Variants in ASRGL1 observed in about 807,000 individuals in gnomAD.
ASRGL1 encodes the protein isoaspartyl peptidase/L-asparaginase.
Under a neutral mutation model 22.4 loss-of-function variants are expected in ASRGL1, and 16 were observed. The ratio of observed to expected loss-of-function variants is 0.71; its 90% CI spans 0.48 to 1.08. ASRGL1 has a LOEUF of 1.08. Among genes scored for constraint, ASRGL1 ranks in the 50% least tolerant of loss-of-function variants. ASRGL1 has a pLI of 0.00. For synonymous variants in ASRGL1, 165 were observed against 159.3 expected (o/e 1.04, Z -0.27); for missense variants, 412 against 410.1 (o/e 1.00, Z -0.04).
intron 4 of ASRGL1, among the ~76,000 whole-genome samples, chr11:62,374,023 A>C (rs1357291634): frequency 1.3e-5 from 2 of 152,170 alleles, no homozygotes; most frequent in Non-Finnish European, 2.9e-5. Context: ...AGTCAAATGC[A>C]TTCTCCAGTC....
chr11:62,356,518 G>A, intron 3 of ASRGL1, 51 bp downstream of exon 3: 1 of 1,580,644 alleles, frequency 6.3e-7, no homozygotes. Flanking sequence ...TTGTTATACT[G>A]CAGTGATAAG....
chr11:62,382,217 G>A (rs117897499), intron 4 of ASRGL1: 2,708 of 152,024 alleles, frequency 0.018, 34 homozygotes, highest in South Asian at 0.027. Flanking sequence ...ACAACGTATA[G>A]AGAAAAAAAA....
intron 4 of ASRGL1, among the ~76,000 whole-genome samples, chr11:62,376,407 G>A (rs1321137392): frequency 1.3e-5 from 2 of 151,888 alleles, no homozygotes; most frequent in African/African-American, 4.8e-5. Context: ...TATCCAAACA[G>A]GAAGCTGATT....
intron 6 of ASRGL1, 60 bp downstream of exon 6, chr11:62,391,692 G>T: frequency 6.6e-7 from 1 of 1,519,618 alleles, no homozygotes; most frequent in Non-Finnish European, 8.9e-7. Flanking sequence ...GAAGGTATTT[G>T]ATAAGTAAGC....
chr11:62,372,373 C>T, intron 4 of ASRGL1: 1 of 1,564,062 alleles, frequency 6.4e-7, no homozygotes, highest in East Asian at 2.2e-5. Context: ...AACAGCCTGC[C>T]AATTACCAAA....
intron 4 of ASRGL1, chr11:62,382,251 A>C (rs930952125): frequency 6.6e-6 from 1 of 152,010 alleles, no homozygotes; most frequent in South Asian, 2.1e-4. Context: ...ACCGGTGCTC[A>C]GCATACGGAG....
At position 62,356,887 on chromosome 11, in the gene ASRGL1, TGCACCCAGAGAGAA is replaced by T; in HGVS notation, c.334-98_334-85del. On this transcript the variant is annotated intron_variant, in intron 3 of 6. Coordinates refer to ENST00000415229, the MANE Select transcript of ASRGL1 (RefSeq NM_001083926.2). ...ACTGGAATTTGTATTTTTGATCCTTTGCACCCAGAGAGAAGTAATTATTTCAACACAGTTGGAAC... is the reference window on the plus strand; with the variant it reads ...ACTGGAATTTGTATTTTTGATCCTTTGTAATTATTTCAACACAGTTGGAAC... The T allele has an allele frequency of 2.9e-6, 4 of 1,360,878 alleles. No homozygotes were observed. In the East Asian group the frequency reaches 7.3e-5, roughly 25 times the overall value. The allele number at this position is 1,360,878 out of a possible 1,614,324, so 84.3% of individuals were successfully genotyped here.
At chr11:62,399,100 C>T in the ASRGL1 span, among the ~76,000 whole-genome samples, 2 of 152,164 alleles carry the variant, frequency 1.3e-5, no homozygotes, top group Non-Finnish European at 2.9e-5. Flanking sequence ...CCTGTAGTCC[C>T]AGCTACTCAG....
downstream of ASRGL1, among the ~76,000 whole-genome samples, chr11:62,394,121 A>G (rs1022812008): frequency 7.3e-6 from 1 of 137,674 alleles, no homozygotes; most frequent in African/African-American, 2.6e-5. Flanking sequence ...ATTTACATAT[A>G]TATTATATAT....
chr11:62,372,342 A>G (rs563406128), intron 4 of ASRGL1: 8 of 1,581,068 alleles, frequency 5.1e-6, no homozygotes, highest in South Asian at 1.1e-5. Context: ...CGCTGTCCCC[A>G]GCCCTGTGCA....
chr11:62,339,648 T>G (rs892240274), intron 2 of ASRGL1, among the ~76,000 whole-genome samples: 9 of 152,356 alleles, frequency 5.9e-5, no homozygotes, highest in African/African-American at 2.2e-4. Context: ...TAACTCATAA[T>G]GAACATTAAA....
intron 2 of ASRGL1, among the ~76,000 whole-genome samples, chr11:62,340,621 C>G (rs1393107902): frequency 6.6e-6 from 1 of 152,190 alleles, no homozygotes; most frequent in Non-Finnish European, 1.5e-5. Context: ...GGCCTTCCTT[C>G]TCAACGTCTG....
chr11:62,374,830 C>G (rs1269088505), intron 4 of ASRGL1, among the ~76,000 whole-genome samples: 1 of 152,128 alleles, frequency 6.6e-6, no homozygotes, highest in African/African-American at 2.4e-5. Flanking sequence ...CTAAACTAAC[C>G]TAATTTGTCC....
downstream of ASRGL1, among the ~76,000 whole-genome samples, chr11:62,398,318 C>G (rs543200589): frequency 6.6e-6 from 1 of 152,182 alleles, no homozygotes; most frequent in Non-Finnish European, 1.5e-5. Context: ...AGGTCACTTC[C>G]CCTCATACAA....
chr11:62,372,389 C>A, intron 4 of ASRGL1: 1 of 1,556,470 alleles, frequency 6.4e-7, no homozygotes. Flanking sequence ...CCAAAATGGC[C>A]TGTGAGGCTG....
chr11:62,392,560 C>A lies in ASRGL1; in HGVS notation c.*276C>A. ...CTCCAGCCTGGGCAACAGAGCCAGG[C>A]CCTGTATCAAAAAAAAAAAAAAAAA... On this transcript the variant is annotated 3_prime_UTR_variant, in exon 7 of 7. Transcript: ENST00000415229. 3 of 396,866 alleles carry A rather than the reference C, an allele frequency of 7.6e-6. No homozygotes were observed. Among genetic ancestry groups the A allele is most frequent in the South Asian group, 3.3e-5 (1 of 29,934 alleles). The allele number at this position is 396,866 out of a possible 1,614,324, so 24.6% of individuals were successfully genotyped here.
In ASRGL1 at chr11:62,392,273, G is replaced by A. The variant is rs777744851; in HGVS notation, c.916G>A (p.Asp306Asn). ...GIDPDDTTIT[D>N]LP ...TGATCCTGACGATACTACTATCACC[G>A]ACCTTCCCTAAGCCGCTGGAAGATT... is the stretch of plus-strand genomic sequence containing the variant. The change falls in exon 7 of 7, where the codon GAC becomes AAC. Residue 306 changes from aspartate to asparagine, a missense_variant. Asp to Asn is a conservative substitution (Grantham distance 23, BLOSUM62 1). Transcript: ENST00000415229. 40 of 1,613,522 alleles carry A rather than the reference G, an allele frequency of 2.5e-5. No homozygotes were observed. Among genetic ancestry groups the A allele is most frequent in the Admixed American group, 5.0e-5 (3 of 60,012 alleles).
intron 2 of ASRGL1, among the ~76,000 whole-genome samples, chr11:62,343,839 T>C (rs1371377509): frequency 2.0e-5 from 3 of 151,420 alleles, no homozygotes; most frequent in African/African-American, 4.8e-5. Context: ...TATAATGGAA[T>C]CTTACGATGT....
intron 4 of ASRGL1, among the ~76,000 whole-genome samples, chr11:62,376,446 C>G (rs1414024733): frequency 6.6e-6 from 1 of 151,970 alleles, no homozygotes; most frequent in East Asian, 1.9e-4. Flanking sequence ...CAAAACCTTT[C>G]CCCCACGTTA....
Sources: allele counts gnomAD v4.1 joint callset (sites outside exome capture counted in the v4.1 genomes callset), GRCh38; gene constraint gnomAD v4.1.1; transcripts MANE v1.5; gene names NCBI Gene and HGNC (gene_info 2026-07-23, HGNC 2026-07-21).